Variants in C12orf75 observed in about 807,000 individuals in gnomAD.
The protein encoded by C12orf75 is chromosome 12 open reading frame 75.
In C12orf75, 4 loss-of-function variants were observed where a neutral mutation model predicts 11.4. The ratio of observed to expected loss-of-function variants is 0.35; its 90% confidence interval spans 0.17 to 0.80. The LOEUF is 0.80. C12orf75 is among the 30% of genes least tolerant of loss of function. C12orf75 has a pLI of 0.52. For synonymous variants in C12orf75, 30 were observed against 30.0 expected (o/e 1.00, Z 0.00); for missense variants, 89 against 80.4 (o/e 1.11, Z -0.41).
At chr12:105,332,360 G>A (rs1337280837) in intron 1 of C12orf75, among the ~76,000 whole-genome samples, 2 of 152,190 alleles carry the variant, frequency 1.3e-5, no homozygotes, top group Admixed American at 6.5e-5. Context: ...CTAGTTTCAT[G>A]CATGTACATT....
intron 1 of C12orf75, among the ~76,000 whole-genome samples, chr12:105,346,238 C>A (rs1892638931): frequency 6.6e-6 from 1 of 152,134 alleles, no homozygotes; most frequent in Admixed American, 6.5e-5. Flanking sequence ...CTTATGTCTC[C>A]CCATAACGTA....
At chr12:105,357,603 G>A (rs1272969247) in intron 2 of C12orf75, among the ~76,000 whole-genome samples, 2 of 152,138 alleles carry the variant, frequency 1.3e-5, no homozygotes. Flanking sequence ...CTGAAAGTCT[G>A]ACTCAGAGCC....
At chr12:105,363,913 A>C (rs1396703122) in intron 2 of C12orf75, among the ~76,000 whole-genome samples, 1 of 152,210 alleles carries the variant, frequency 6.6e-6, no homozygotes, top group East Asian at 1.9e-4. Flanking sequence ...TTGAGTTTTA[A>C]GATATTGAGT....
chr12:105,332,457 C>T lies in C12orf75; in HGVS notation c.46+1520C>T, dbSNP rs1244184936. ...GAAAATCAGAATGATGGACCAGGCG[C>T]AGTGACTCATGCCTGTGTAATCCCA... On this transcript the variant is annotated intron_variant, in intron 1 of 5. Coordinates refer to ENST00000443585, the MANE Select transcript of C12orf75 (RefSeq NM_001145199.2). 3.3e-5 allele frequency among the ~76,000 whole-genome samples: 5 copies of T among 152,106 alleles called. No homozygotes were observed. In the East Asian group the frequency reaches 9.6e-4, roughly 29 times the overall value.
chr12:105,345,895 C>G (rs1016752958), intron 1 of C12orf75, among the ~76,000 whole-genome samples: 5 of 151,846 alleles, frequency 3.3e-5, no homozygotes, highest in African/African-American at 9.7e-5. Flanking sequence ...AACTCCTGAC[C>G]TCAGGTGATC....
chr12:105,343,434 G>T (rs1451631594), intron 1 of C12orf75, among the ~76,000 whole-genome samples: 1 of 152,200 alleles, frequency 6.6e-6, no homozygotes, highest in Admixed American at 6.5e-5. Flanking sequence ...CTTAATAAAT[G>T]ATAAAGCACA....
chr12:105,331,383 T>G, intron 1 of C12orf75, among the ~76,000 whole-genome samples: 1 of 148,562 alleles, frequency 6.7e-6, no homozygotes, highest in African/African-American at 2.5e-5. Flanking sequence ...TTTCGGGCAG[T>G]GGTGGTGGGG....
intron 2 of C12orf75, among the ~76,000 whole-genome samples, chr12:105,359,541 C>T (rs566837353): frequency 4.6e-5 from 7 of 152,040 alleles, no homozygotes; most frequent in East Asian, 1.9e-4. Context: ...GAGGGCAAGG[C>T]GGGTGGATCA....
intron 1 of C12orf75, among the ~76,000 whole-genome samples, chr12:105,332,210 A>G (rs1892437919): frequency 6.6e-6 from 1 of 152,170 alleles, no homozygotes; most frequent in Non-Finnish European, 1.5e-5. Context: ...CCCGCACTCA[A>G]ATTGTGTCTC....
chr12:105,370,389 C>T (rs1247094728), intron 5 of C12orf75, among the ~76,000 whole-genome samples: 1 of 152,168 alleles, frequency 6.6e-6, no homozygotes, highest in Non-Finnish European at 1.5e-5. Flanking sequence ...CATTGCTTAT[C>T]AAGATGTATT....
rs186231089 is a variant in C12orf75, at chr12:105,366,351, C to A, written c.108-266C>A. On this transcript the variant is annotated intron_variant, in intron 3 of 5. Transcript: ENST00000443585. ...TAATACTCTAATAAATTGTAACATC[C>A]CAAAGTCTTTTCTTCTTTCTCATTA... is the stretch of plus-strand genomic sequence containing the variant. 470 of 332,032 alleles carry A rather than the reference C, an allele frequency of 1.4e-3. 2 individuals are homozygous for A. The highest frequency in any genetic ancestry group is 9.2e-3 in the African/African-American group (429 of 46,850). 20.6% of individuals were successfully genotyped at this position (332,032 alleles called of 1,614,324 possible). A position where few individuals can be genotyped will look rare whatever the true frequency, so the allele number is the denominator to read the frequency against.
chr12:105,341,193 A>G (rs1008206730), intron 1 of C12orf75, among the ~76,000 whole-genome samples: 1 of 152,272 alleles, frequency 6.6e-6, no homozygotes, highest in African/African-American at 2.4e-5. Flanking sequence ...TAAACACAGC[A>G]TGATGCAATC....
At chr12:105,357,102 T>G (rs1259109268) in intron 2 of C12orf75, among the ~76,000 whole-genome samples, 1 of 152,190 alleles carries the variant, frequency 6.6e-6, no homozygotes, top group Non-Finnish European at 1.5e-5. Context: ...TATTTATGAT[T>G]AGAGAGACAT....
chr12:105,336,703 C>T (rs910017685), intron 1 of C12orf75, among the ~76,000 whole-genome samples: 3 of 151,978 alleles, frequency 2.0e-5, no homozygotes, highest in Non-Finnish European at 2.9e-5. Context: ...AGAGAGGCTG[C>T]AGATGTGGGA....
At chr12:105,339,808 G>T (rs1263297728) in intron 1 of C12orf75, among the ~76,000 whole-genome samples, 1 of 151,792 alleles carries the variant, frequency 6.6e-6, no homozygotes, top group Non-Finnish European at 1.5e-5. Context: ...AGTAGAGACG[G>T]GGTTTCACTG....
intron 2 of C12orf75, 25 bp downstream of exon 2, chr12:105,348,651 T>C (rs891806468): frequency 3.7e-5 from 55 of 1,506,596 alleles, no homozygotes; most frequent in Non-Finnish European, 4.5e-5. Flanking sequence ...TTAATGATTT[T>C]ATAAGCTGTC....
chr12:105,362,278 G>A (rs1206291952), intron 2 of C12orf75, among the ~76,000 whole-genome samples: 1 of 148,496 alleles, frequency 6.7e-6, no homozygotes, highest in African/African-American at 2.5e-5. Flanking sequence ...CCAGCTACTT[G>A]GGAGGCTGAG....
At chr12:105,355,055 T>G (rs1042216152) in intron 2 of C12orf75, among the ~76,000 whole-genome samples, 17 of 151,950 alleles carry the variant, frequency 1.1e-4, no homozygotes, top group Non-Finnish European at 7.4e-5. Context: ...CTATACTCCA[T>G]GGAGCAGCCA....
chr12:105,345,123 C>T (rs1003250644), intron 1 of C12orf75, among the ~76,000 whole-genome samples: 1 of 152,048 alleles, frequency 6.6e-6, no homozygotes, highest in African/African-American at 2.4e-5. Context: ...CAGCATTTAA[C>T]ATTAAAACAG....
Sources: gnomAD v4.1 joint callset for allele counts (sites outside exome capture counted in the v4.1 genomes callset) on GRCh38, gnomAD v4.1.1 for gene constraint, MANE v1.5 for transcripts, NCBI Gene and HGNC (gene_info 2026-07-23, HGNC 2026-07-21) for gene names.